Variants in SOX5 observed in about 807,000 individuals in gnomAD.
SOX5 encodes SRY-box transcription factor 5.
In SOX5, 9 loss-of-function variants were observed where a neutral mutation model predicts 92.0. The observed-to-expected ratio is 0.10, with a 90% CI of 0.06 to 0.17. The LOEUF (loss-of-function observed/expected upper bound fraction) is 0.17. Among genes scored for constraint, SOX5 ranks in the 10% least tolerant of loss-of-function variants. SOX5 has a pLI of 1.00. For synonymous variants in SOX5, 344 were observed against 336.3 expected, an observed-to-expected ratio of 1.02 and a Z score of -0.25; for missense variants, 642 against 944.5, an observed-to-expected ratio of 0.68 and a Z score of 4.20.
At chr12:23,862,815 A>T (rs573000322) in intron 2 of SOX5, among the ~76,000 whole-genome samples, 1 of 152,304 alleles carries the variant, frequency 6.6e-6, no homozygotes, top group East Asian at 1.9e-4. Flanking sequence ...GTACCAAGTA[A>T]ATGTGGCATA....
At chr12:24,216,462 T>A (rs975913323) in intron 3 of SOX5, among the ~76,000 whole-genome samples, 16 of 151,354 alleles carry the variant, frequency 1.1e-4, no homozygotes, top group African/African-American at 3.9e-4. Flanking sequence ...ACAGCCTGGG[T>A]GACAGAGCGC....
In SOX5 at chr12:23,730,867, C is replaced by T. The variant is rs888547883; in HGVS notation, c.810+3817G>A. ...AACCTGGATGTGATGATTAATTATA[C>T]GTGTCCAGTTGTCTGGATTGAGGAT... On this transcript the variant is annotated intron_variant, in intron 6 of 14. Transcript: ENST00000451604. Among the ~76,000 whole-genome samples, 6 of 152,232 alleles carry T rather than the reference C, an allele frequency of 3.9e-5. No homozygotes were observed. The South Asian group carries it at 6.2e-4, about 16-fold the overall frequency.
At chr12:24,002,329 A>G (rs990788068) in intron 4 of SOX5, among the ~76,000 whole-genome samples, 1 of 151,998 alleles carries the variant, frequency 6.6e-6, no homozygotes, top group African/African-American at 2.4e-5. Flanking sequence ...TGACCAAAAA[A>G]CAAAAAAAGT....
chr12:23,803,348 C>CCTTT (rs1365167375), intron 3 of SOX5, among the ~76,000 whole-genome samples: 2 of 152,164 alleles, frequency 1.3e-5, no homozygotes, highest in African/African-American at 4.8e-5. Flanking sequence ...GTTAATGGCA[C>CCTTT]CTTTCTTTCA....
At chr12:23,923,197 C>T (rs542303021) in intron 1 of SOX5, among the ~76,000 whole-genome samples, 18 of 152,146 alleles carry the variant, frequency 1.2e-4, no homozygotes, top group African/African-American at 4.1e-4. Flanking sequence ...GTGATCTGCC[C>T]GCCTCGGCCT....
At chr12:24,179,241 ATT>A (rs1480800627) in intron 4 of SOX5, among the ~76,000 whole-genome samples, 1 of 152,182 alleles carries the variant, frequency 6.6e-6, no homozygotes, top group African/African-American at 2.4e-5. Flanking sequence ...AGAAGAATCA[ATT>A]TTTGTAACAC....
In SOX5 at chr12:24,240,342, C is replaced by T. The variant is rs16915614; in HGVS notation, c.-76-26925G>A. 1.7e-3 allele frequency among the ~76,000 whole-genome samples: 253 copies of T among 152,200 alleles called. 5 individuals carry two copies. The East Asian group carries it at 0.047, about 28-fold the overall frequency. On this transcript the variant is annotated intron_variant, in intron 3 of 4. Transcript: ENST00000446891. ...CCTCTGTTTCCTGTTCTTCATTTGTCAATACTGATGCTGAAAATTCATTGT... is the reference window on the plus strand; with the variant it reads ...CCTCTGTTTCCTGTTCTTCATTTGTTAATACTGATGCTGAAAATTCATTGT...
chr12:24,027,603 T>G (rs1323231199), intron 4 of SOX5, among the ~76,000 whole-genome samples: 1 of 151,944 alleles, frequency 6.6e-6, no homozygotes, highest in Non-Finnish European at 1.5e-5. Context: ...CCCCCTCTAC[T>G]TGCTGCCCCA....
At chr12:24,283,756 G>T (rs1171174642) in intron 2 of SOX5, among the ~76,000 whole-genome samples, 1 of 152,114 alleles carries the variant, frequency 6.6e-6, no homozygotes, top group Non-Finnish European at 1.5e-5. Flanking sequence ...GTATATAAAA[G>T]CTTGGGTATG....
chr12:23,956,651 C>T (rs966331707), intron 4 of SOX5, among the ~76,000 whole-genome samples: 1 of 151,858 alleles, frequency 6.6e-6, no homozygotes, highest in Non-Finnish European at 1.5e-5. Context: ...CTCTATTACT[C>T]CTTCCTTATT....
intron 4 of SOX5, among the ~76,000 whole-genome samples, chr12:24,091,713 T>C (rs1944676571): frequency 6.6e-6 from 1 of 152,172 alleles, no homozygotes; most frequent in African/African-American, 2.4e-5. Flanking sequence ...CATGCTAGGA[T>C]TGAAAATATA....
chr12:23,620,842 A>G (rs1402411626), intron 8 of SOX5, among the ~76,000 whole-genome samples: 1 of 152,110 alleles, frequency 6.6e-6, no homozygotes, highest in East Asian at 1.9e-4. Context: ...CTCCTGCCTT[A>G]AATTGATGCA....
At chr12:23,866,954 A>C (rs2096821240) in intron 2 of SOX5, among the ~76,000 whole-genome samples, 1 of 152,058 alleles carries the variant, frequency 6.6e-6, no homozygotes, top group African/African-American at 2.4e-5. Context: ...CACTCAATTT[A>C]TCTTCACTCT....
chr12:23,578,375 G>A (rs552023685), intron 9 of SOX5, among the ~76,000 whole-genome samples: 11 of 151,234 alleles, frequency 7.3e-5, no homozygotes, highest in Middle Eastern at 3.4e-3. Flanking sequence ...AAACTATGGG[G>A]ATGGGTCCCA....
At chr12:23,959,034 A>G (rs201859032) in intron 4 of SOX5, among the ~76,000 whole-genome samples, 2 of 152,020 alleles carry the variant, frequency 1.3e-5, no homozygotes, top group East Asian at 1.9e-4. Context: ...CTTTAATACA[A>G]TATGAAAAGA....
At chr12:23,611,378 G>GTT (rs1198705451) in intron 8 of SOX5, among the ~76,000 whole-genome samples, 1 of 140,118 alleles carries the variant, frequency 7.1e-6, no homozygotes, top group Non-Finnish European at 1.6e-5. Flanking sequence ...GCGTGTGTGT[G>GTT]TGTGTGTGTG....
At chr12:23,992,061 G>A (rs891634262) in intron 4 of SOX5, among the ~76,000 whole-genome samples, 1 of 151,954 alleles carries the variant, frequency 6.6e-6, no homozygotes, top group Admixed American at 6.6e-5. Flanking sequence ...GAAATTGACA[G>A]CCCTCAGAAA....
chr12:24,301,557 A>G (rs947413073), intron 2 of SOX5, among the ~76,000 whole-genome samples: 1 of 152,360 alleles, frequency 6.6e-6, no homozygotes, highest in East Asian at 1.9e-4. Context: ...TTCTAGCAAT[A>G]CTAGAACAGT....
Position 23,870,930 on chromosome 12 carries a change from T to C in SOX5, c.271-24737A>G, listed in dbSNP as rs1382873728. Among the ~76,000 whole-genome samples the C allele has an allele frequency of 1.3e-5, 2 of 152,178 alleles. 1 individual carries two copies. The highest frequency in any genetic ancestry group is 3.8e-4 in the East Asian group (2 of 5,200). Reference sequence around the variant, plus strand: ...ACTTCACTCACTAAGGAAATCTCTTTATAATTATAGGGATCATATGAAAAT... The same window carrying C: ...ACTTCACTCACTAAGGAAATCTCTTCATAATTATAGGGATCATATGAAAAT... On this transcript the variant is annotated intron_variant, in intron 2 of 14. Coordinates refer to ENST00000451604, the MANE Select transcript of SOX5 (RefSeq NM_006940.6).
Sources: gnomAD v4.1 joint callset for allele counts (sites outside exome capture counted in the v4.1 genomes callset) on GRCh38, gnomAD v4.1.1 for gene constraint, MANE v1.5 for transcripts, NCBI Gene and HGNC (gene_info 2026-07-23, HGNC 2026-07-21) for gene names.